Variants in PSPC1 observed in about 807,000 individuals in gnomAD.
The protein encoded by PSPC1 is paraspeckle component 1.
A neutral mutation model predicts 51.6 loss-of-function variants in PSPC1; 14 were observed. The ratio of observed to expected loss-of-function variants is 0.27; its 90% CI spans 0.18 to 0.42. PSPC1 has a LOEUF of 0.42. Ranked by LOEUF, PSPC1 falls within the 10% of genes least tolerant of loss-of-function variation. PSPC1 has a pLI of 1.00. For synonymous variants in PSPC1, 193 were observed against 231.9 expected, an observed-to-expected ratio of 0.83 and a Z score of 1.53; for missense variants, 406 against 701.1, an observed-to-expected ratio of 0.58 and a Z score of 4.75.
intron 5 of PSPC1, 27 bp from the exon 6 acceptor site, chr13:19,730,371 A>G (rs757468876): frequency 6.2e-7 from 1 of 1,601,228 alleles, no homozygotes; most frequent in Admixed American, 1.7e-5. Flanking sequence ...TAAAAATTTC[A>G]GCATCATAAC....
intron 6 of PSPC1, among the ~76,000 whole-genome samples, chr13:19,691,477 A>C (rs1878537459): frequency 6.6e-6 from 1 of 152,142 alleles, no homozygotes; most frequent in Admixed American, 6.5e-5. Context: ...GAGCTATGAT[A>C]CACCACTGCA....
rs1361872513 is a variant in PSPC1 at position 19,703,089 on chromosome 13, A to T, written c.*86T>A. On this transcript the variant is annotated 3_prime_UTR_variant, in exon 9 of 9. Transcript: ENST00000338910. ...TTTAAGTCTACATACATTAACAATA[A>T]AACCATTTCTTCCAGATAACAGGTA... 3 of 1,168,328 alleles carry T rather than the reference A, an allele frequency of 2.6e-6. No individual in the cohort carries two copies. The highest frequency in any genetic ancestry group is 2.1e-5 in the Admixed American group (1 of 47,238). The allele number at this position is 1,168,328 out of a possible 1,614,324, so 72.4% of individuals were successfully genotyped here. A position where few individuals can be genotyped will look rare whatever the true frequency, so the allele number is the denominator to read the frequency against.
intron 6 of PSPC1, among the ~76,000 whole-genome samples, chr13:19,679,665 G>A (rs1794912188): frequency 6.6e-6 from 1 of 152,196 alleles, no homozygotes; most frequent in Non-Finnish European, 1.5e-5. Flanking sequence ...ACAGGAGGAT[G>A]TACATGGGAT....
chr13:19,736,154 C>T (rs573283238), intron 5 of PSPC1, among the ~76,000 whole-genome samples: 8 of 152,122 alleles, frequency 5.3e-5, no homozygotes, highest in African/African-American at 1.9e-4. Flanking sequence ...GTTGTTCACA[C>T]TTCTTAAATC....
At chr13:19,734,982 A>T (rs1356645365) in intron 5 of PSPC1, among the ~76,000 whole-genome samples, 1 of 105,968 alleles carries the variant, frequency 9.4e-6, no homozygotes, top group South Asian at 4.0e-4. Context: ...CGTCTCAAAA[A>T]ATCAAACAAA....
At chr13:19,752,429 T>G (rs1362962599) in intron 3 of PSPC1, among the ~76,000 whole-genome samples, 1 of 152,082 alleles carries the variant, frequency 6.6e-6, no homozygotes, top group African/African-American at 2.4e-5. Context: ...TATACATATA[T>G]ATGTAAATAT....
chr13:19,736,496 A>C (rs916056527), intron 5 of PSPC1, among the ~76,000 whole-genome samples: 8 of 151,704 alleles, frequency 5.3e-5, no homozygotes, highest in Non-Finnish European at 1.0e-4. Flanking sequence ...ATCCTGGCTA[A>C]CACAGTGAAA....
intron 1 of PSPC1, among the ~76,000 whole-genome samples, chr13:19,781,599 T>A (rs1470195378): frequency 6.6e-6 from 1 of 152,132 alleles, no homozygotes; most frequent in Non-Finnish European, 1.5e-5. Flanking sequence ...TTAAACACTG[T>A]CTCATTACTG....
chr13:19,692,248 C>T (rs28504408), intron 6 of PSPC1, among the ~76,000 whole-genome samples: 17,199 of 152,062 alleles, frequency 0.11, 1,244 homozygotes, highest in African/African-American at 0.2. Flanking sequence ...CTCAGCCTCC[C>T]GAGTAGCTGG....
intron 6 of PSPC1, among the ~76,000 whole-genome samples, chr13:19,712,866 G>C (rs1297286337): frequency 6.6e-6 from 1 of 152,072 alleles, no homozygotes; most frequent in Non-Finnish European, 1.5e-5. Context: ...GCATCATTTT[G>C]TAACTATCTT....
intron 2 of PSPC1, among the ~76,000 whole-genome samples, chr13:19,769,790 C>T (rs1282545634): frequency 1.3e-5 from 2 of 151,714 alleles, no homozygotes; most frequent in African/African-American, 2.4e-5. Flanking sequence ...ATAAAAACAC[C>T]AAGTGTGGGT....
chr13:19,731,272 A>G (rs1425399290), intron 5 of PSPC1, among the ~76,000 whole-genome samples: 1 of 152,202 alleles, frequency 6.6e-6, no homozygotes, highest in Non-Finnish European at 1.5e-5. Flanking sequence ...ATATAGTAAT[A>G]TTGAAGTAAC....
chr13:19,671,341 ATTAC>A, downstream of PSPC1: 1 of 1,519,548 alleles, frequency 6.6e-7, no homozygotes, highest in South Asian at 1.1e-5. Context: ...GTTGCTCCAG[ATTAC>A]TTTATCAACA....
At chr13:19,678,117 T>G (rs1876873199) in intron 6 of PSPC1, 2 of 282,994 alleles carry the variant, frequency 7.1e-6, no homozygotes, top group South Asian at 6.6e-5. Flanking sequence ...AATAATTTAT[T>G]AAGAATTTAA....
intron 6 of PSPC1, among the ~76,000 whole-genome samples, chr13:19,713,545 CAAAAAAAAAAA>C (rs61024238): frequency 3.4e-5 from 3 of 87,212 alleles, no homozygotes; most frequent in Admixed American, 1.7e-4. Flanking sequence ...CCCAGACAGC[CAAAAAAAAAAA>C]AAAAAAAAAG....
chr13:19,759,411 G>A lies in PSPC1; in HGVS notation c.682C>T (p.Arg228Cys), dbSNP rs1019475729. 9 of 1,613,498 alleles carry A rather than the reference G, an allele frequency of 5.6e-6. No homozygotes were observed. Among genetic ancestry groups the A allele is most frequent in the Admixed American group, 3.3e-5 (2 of 59,964 alleles). Residue 228 changes from arginine to cysteine, a missense_variant, in exon 3 of 9, where the codon CGT (arginine) becomes TGT (cysteine). Physicochemically the swap from Arg to Cys is radical, Grantham distance 180. Transcript: ENST00000338910. ...TCCATGGGTTCCACAATGACTGGAC[G>A]AGGGGTCCTGGATAGGTATAAAAGC... ...DGAFLLTTTPRPVIVEPMEQF... is the reference protein window; with the variant it reads ...DGAFLLTTTPCPVIVEPMEQF...
At chr13:19,742,276 AC>A (rs1245213580) in intron 4 of PSPC1, among the ~76,000 whole-genome samples, 12 of 144,308 alleles carry the variant, frequency 8.3e-5, no homozygotes, top group South Asian at 4.5e-4. Flanking sequence ...AAAAAAAAAA[AC>A]AAACAAATAA....
At chr13:19,676,335 T>C (rs1380291045) in intron 7 of PSPC1, among the ~76,000 whole-genome samples, 1 of 152,210 alleles carries the variant, frequency 6.6e-6, no homozygotes, top group Non-Finnish European at 1.5e-5. Context: ...GGGTGTGGCT[T>C]GAGAATGTGC....
intron 6 of PSPC1, among the ~76,000 whole-genome samples, chr13:19,694,229 AG>A (rs1343883451): frequency 1.3e-5 from 2 of 151,732 alleles, no homozygotes; most frequent in African/African-American, 4.8e-5. Context: ...TCATTTTAAA[AG>A]GAACAATAAA....
Sources: allele counts gnomAD v4.1 joint callset (sites outside exome capture counted in the v4.1 genomes callset), GRCh38; gene constraint gnomAD v4.1.1; transcripts MANE v1.5; gene names NCBI Gene and HGNC (gene_info 2026-07-23, HGNC 2026-07-21).